ABCA12: variants seen among roughly 807,000 people sequenced by gnomAD.
The protein encoded by ABCA12 is ATP binding cassette subfamily A member 12.
ABCA12 carries 156 observed loss-of-function variants against 293.5 expected under a neutral mutation model. The observed-to-expected ratio is 0.53, with a 90% CI of 0.47 to 0.61. The LOEUF is 0.61. Among genes scored for constraint, ABCA12 ranks in the 20% least tolerant of loss-of-function variants. The pLI is 0.00. For missense variants in ABCA12, 2,797 were observed against 3,090.2 expected (o/e 0.91, Z 2.25); for synonymous variants, 1,063 against 1,108.0 (o/e 0.96, Z 0.81).
intron 52 of ABCA12, among the ~76,000 whole-genome samples, chr2:214,933,243 T>C (rs1453485133): frequency 2.0e-5 from 3 of 152,196 alleles, no homozygotes; most frequent in African/African-American, 7.2e-5. Flanking sequence ...GCAGATCTTT[T>C]CACTTTGTTT....
At chr2:215,023,578 T>C (rs947183126) in intron 11 of ABCA12, 1 of 152,234 alleles carries the variant, frequency 6.6e-6, no homozygotes, top group Admixed American at 6.5e-5. Flanking sequence ...CTAGTGTATA[T>C]TATGTGCTTC....
chr2:214,974,551 TGTATACAAGAGA>T (rs1398116620), intron 35 of ABCA12, among the ~76,000 whole-genome samples: 1 of 152,200 alleles, frequency 6.6e-6, no homozygotes, highest in Non-Finnish European at 1.5e-5. Context: ...AATGAAAATA[TGTATACAAGAGA>T]GTTGTACAAA....
Position 215,049,626 on chromosome 2 carries a change from C to G in ABCA12, c.693G>C (p.Gln231His). The G allele has an allele frequency of 1.2e-6, 2 of 1,613,022 alleles. No homozygotes were observed. Among genetic ancestry groups the G allele is most frequent in the Non-Finnish European group, 1.7e-6 (2 of 1,179,290 alleles). The change falls in exon 6 of 53, where the codon CAG becomes CAC. Residue 231 changes from glutamine (Q) to histidine (H), a missense_variant and splice_region_variant. Around this residue, in one of 3 missense-constraint regions of ABCA12, gnomAD observed 656 missense variants for 638.2 expected, o/e 1.03. Coordinates refer to ENST00000272895, the MANE Select transcript of ABCA12 (RefSeq NM_173076.3). ...TTGTGGATCAAAGATCTACACTCAC[C>G]TGGGAGAACTGTTTGTTTAGTTCTT... ...SLQELNKQFSQLSSDPNNQKI... is the reference protein window; with the variant it reads ...SLQELNKQFSHLSSDPNNQKI...
chr2:214,968,548 T>G (rs893605285), intron 38 of ABCA12, among the ~76,000 whole-genome samples, 172 bp downstream of exon 38: 1 of 152,172 alleles, frequency 6.6e-6, no homozygotes, highest in Non-Finnish European at 1.5e-5. Context: ...GATGCTAATG[T>G]GTACATGCTT....
At chr2:215,014,784 C>T (rs2222494) in intron 15 of ABCA12, among the ~76,000 whole-genome samples, 151,938 of 152,362 alleles carry the variant, frequency 1, 75,761 homozygotes, top group East Asian at 1. Flanking sequence ...CAGCTATTTC[C>T]TTTTGGTTGT....
intron 28 of ABCA12, among the ~76,000 whole-genome samples, 193 bp from the exon 29 acceptor site, chr2:214,984,058 A>G (rs1274654245): frequency 2.6e-5 from 4 of 151,222 alleles, no homozygotes; most frequent in Non-Finnish European, 5.9e-5. Flanking sequence ...AGAGTATTAC[A>G]TAAATGCTAA....
chr2:214,957,942 C>T (rs549620321), intron 41 of ABCA12, among the ~76,000 whole-genome samples: 1 of 152,256 alleles, frequency 6.6e-6, no homozygotes, highest in South Asian at 2.1e-4. Context: ...AAGACTTCAG[C>T]GTGCTTAGAA....
At chr2:215,124,329 T>C (rs1004310828) in intron 1 of ABCA12, among the ~76,000 whole-genome samples, 3 of 152,204 alleles carry the variant, frequency 2.0e-5, no homozygotes, top group Non-Finnish European at 4.4e-5. Context: ...AGATATCCAG[T>C]AGTGGGATTG....
intron 7 of ABCA12, chr2:215,038,819 A>G (rs1157778697): frequency 6.6e-6 from 1 of 152,222 alleles, no homozygotes; most frequent in African/African-American, 2.4e-5. Context: ...TATTAATTAA[A>G]TGTCAGTAGA....
intron 2 of ABCA12, among the ~76,000 whole-genome samples, chr2:215,106,786 C>T (rs1702472038): frequency 6.7e-6 from 1 of 149,378 alleles, no homozygotes; most frequent in African/African-American, 2.5e-5. Context: ...AAATGTTGGA[C>T]GTTCTTGCAT....
At chr2:214,969,507 A>T (rs893007723) in intron 37 of ABCA12, among the ~76,000 whole-genome samples, 1 of 152,062 alleles carries the variant, frequency 6.6e-6, no homozygotes, top group African/African-American at 2.4e-5. Flanking sequence ...TGACATGCAA[A>T]TAACATCATA....
intron 2 of ABCA12, among the ~76,000 whole-genome samples, chr2:215,096,596 C>A (rs753194985): frequency 3.3e-5 from 5 of 152,190 alleles, no homozygotes; most frequent in Non-Finnish European, 2.9e-5. Flanking sequence ...CTACCATATT[C>A]TACTACTTCC....
rs973517503 is a variant in ABCA12, at chr2:215,138,261, T to C, written c.-53A>G. ...CCTCTTCTTTTCTCCACTCCACAAA[T>C]GAAGAACTGATGCCCCGTCCAACTT... On this transcript the variant is annotated 5_prime_UTR_variant, in exon 1 of 53. Transcript: ENST00000272895. The C allele has an allele frequency of 3.0e-5, 48 of 1,584,216 alleles. No homozygotes were observed. The highest frequency in any genetic ancestry group is 4.1e-5 in the Non-Finnish European group (47 of 1,153,004).
At chr2:214,968,835 T>G (rs764577767) in intron 37 of ABCA12, 28 bp from the exon 38 acceptor site, 3 of 1,595,138 alleles carry the variant, frequency 1.9e-6, no homozygotes, top group Admixed American at 1.7e-5. Context: ...AATATATCTT[T>G]GGTTTAGTGG....
intron 11 of ABCA12, chr2:215,022,020 T>A (rs1268752436): frequency 6.6e-6 from 1 of 152,200 alleles, no homozygotes; most frequent in Non-Finnish European, 1.5e-5. Flanking sequence ...CTTTTGATTT[T>A]CCAGCTACTA....
At chr2:214,982,875 AG>A (rs1461925959) in intron 29 of ABCA12, among the ~76,000 whole-genome samples, 1 of 152,196 alleles carries the variant, frequency 6.6e-6, no homozygotes, top group East Asian at 1.9e-4. Flanking sequence ...AAAAAAATAA[AG>A]CAGTGAATAT....
intron 39 of ABCA12, 71 bp from the exon 40 acceptor site, chr2:214,959,149 A>C: frequency 8.0e-7 from 1 of 1,243,722 alleles, no homozygotes; most frequent in Non-Finnish European, 1.2e-6. Flanking sequence ...TAGATGAATA[A>C]TATTCAACAC....
intron 7 of ABCA12, chr2:215,042,428 G>A (rs927320001): frequency 2.6e-5 from 4 of 151,854 alleles, no homozygotes; most frequent in African/African-American, 9.7e-5. Context: ...TTATTTTTTT[G>A]TAGAGATAGT....
At chr2:214,941,159 TTG>T (rs1698387742) in intron 50 of ABCA12, among the ~76,000 whole-genome samples, 3 of 152,222 alleles carry the variant, frequency 2.0e-5, no homozygotes, top group African/African-American at 7.2e-5. Flanking sequence ...TTCTGGTATG[TTG>T]TGTCTGTGTT....
Sources: gnomAD v4.1 joint callset for allele counts (sites outside exome capture counted in the v4.1 genomes callset) on GRCh38, gnomAD v4.1.1 for gene constraint, gnomAD v4.1.1 regional missense constraint, MANE v1.5 for transcripts, NCBI Gene and HGNC (gene_info 2026-07-23, HGNC 2026-07-21) for gene names.